Variants in PIEZO2 observed in about 807,000 individuals in gnomAD.
PIEZO2 encodes the protein piezo type mechanosensitive ion channel component 2.
Under a neutral mutation model 337.3 loss-of-function variants are expected in PIEZO2, and 172 were observed. The ratio of observed to expected loss-of-function variants is 0.51; its 90% CI spans 0.45 to 0.58. PIEZO2 has a LOEUF of 0.58. Among genes scored for constraint, PIEZO2 ranks in the 20% least tolerant of loss-of-function variants. The probability of loss-of-function intolerance (pLI) is 0.00; values close to 1 mark genes in which losing one functional copy is unlikely to be tolerated. For synonymous variants in PIEZO2, 1,251 were observed against 1,228.5 expected (o/e 1.02, Z -0.38); for missense variants, 3,028 against 3,391.3 (o/e 0.89, Z 2.66).
chr18:10,674,320 T>G (rs769962307), intron 54 of PIEZO2, among the ~76,000 whole-genome samples: 2 of 152,258 alleles, frequency 1.3e-5, no homozygotes, highest in South Asian at 2.1e-4. Flanking sequence ...GCAATCTGCA[T>G]GTCCAGATGA....
In PIEZO2 at chr18:10,758,538, T is replaced by TG. The variant is rs371983662; in HGVS notation, c.3758-405dup. Among the ~76,000 whole-genome samples the TG allele has an allele frequency of 2.3e-3, 354 of 152,210 alleles. 5 individuals carry two copies. The highest frequency in any genetic ancestry group is 8.3e-3 in the African/African-American group (343 of 41,534). ...TTGGCTCACTGCAAGCCCCACCTCC[T>TG]GGGTTCACACCATTCTCCTGCCTCA... On this transcript the variant is annotated intron_variant, in intron 26 of 55. Transcript: ENST00000674853.
rs2042013147 is a variant in PIEZO2, at chr18:10,866,562, G to A, written c.492+4691C>T. The stretch of plus-strand genomic sequence containing the variant: ...GCCCTCCCAAAGTGCTGGGATTTTA[G>A]GTGTGGGCCACCACACTTGGCCGCC... On this transcript the variant is annotated intron_variant, in intron 5 of 55. Transcript: ENST00000674853. 2.0e-5 allele frequency among the ~76,000 whole-genome samples: 3 copies of A among 152,264 alleles called. No individual in the cohort carries two copies. In the South Asian group the frequency reaches 6.2e-4, roughly 32 times the overall value.
chr18:11,131,391 G>C lies in PIEZO2; in HGVS notation c.64+17134C>G, dbSNP rs989209648. On this transcript the variant is annotated intron_variant, in intron 1 of 55. Coordinates refer to ENST00000674853, the MANE Select transcript of PIEZO2 (RefSeq NM_001378183.1). The surrounding 1 kb of genome is among the most constrained non-coding windows in gnomAD (Gnocchi z 5.3). ...TGTCTTCTCTCCCACAGCCTGCACCGATGGCCTCATGGGGAGTTCCCTATG... is the reference window on the plus strand; with the variant it reads ...TGTCTTCTCTCCCACAGCCTGCACCCATGGCCTCATGGGGAGTTCCCTATG... 6.6e-5 allele frequency among the ~76,000 whole-genome samples: 10 copies of C among 152,124 alleles called. No homozygotes were observed. The highest frequency in any genetic ancestry group is 2.2e-4 in the African/African-American group (9 of 41,430).
intron 18 of PIEZO2, among the ~76,000 whole-genome samples, chr18:10,778,604 T>C (rs2038873250): frequency 6.6e-6 from 1 of 152,152 alleles, no homozygotes; most frequent in Non-Finnish European, 1.5e-5. Flanking sequence ...GGTGCTGGGA[T>C]TACAGGCGTG....
intron 2 of PIEZO2, among the ~76,000 whole-genome samples, chr18:10,987,536 T>A (rs2034923622): frequency 6.6e-6 from 1 of 151,848 alleles, no homozygotes; most frequent in Admixed American, 6.6e-5. Flanking sequence ...GTCCCTTATC[T>A]TACACCATAT....
intron 36 of PIEZO2, among the ~76,000 whole-genome samples, chr18:10,721,555 T>C: frequency 6.6e-6 from 1 of 151,686 alleles, no homozygotes; most frequent in East Asian, 1.9e-4. Context: ...AGGACAAATG[T>C]CTGAGAACAG....
At position 10,748,256 on chromosome 18, in the gene PIEZO2, C is replaced by A. The variant is rs187626256; in HGVS notation, c.4424+215G>T. Among the ~76,000 whole-genome samples, 34 of 152,232 alleles carry A rather than the reference C, an allele frequency of 2.2e-4. No individual in the cohort carries two copies. The highest frequency in any genetic ancestry group is 8.2e-4 in the African/African-American group (34 of 41,538). On this transcript the variant is annotated intron_variant, in intron 30 of 55. Transcript: ENST00000674853. This position sits in a 1 kb window ranked among gnomAD's most constrained non-coding sequence, Gnocchi z 5.1. ...GTGAACCTCTGGCCTTCCATGGCAC[C>A]CCCATTCCTTGAGAAGTCTGATGGT...
chr18:10,742,620 A>G lies in PIEZO2; in HGVS notation c.4515-5T>C. On this transcript the variant is annotated splice_region_variant and splice_polypyrimidine_tract_variant and intron_variant, in intron 31 of 55. Transcript: ENST00000674853. Reference sequence around the variant, plus strand: ...CTGGCCTTGATGCGATCCATCCTATAAAGTAAAATAACATTAGTAATGCCA... The same window carrying G: ...CTGGCCTTGATGCGATCCATCCTATGAAGTAAAATAACATTAGTAATGCCA... The G allele has an allele frequency of 6.5e-7, 1 of 1,536,884 alleles. No individual in the cohort carries two copies. Among genetic ancestry groups the G allele is most frequent in the Non-Finnish European group, 8.7e-7 (1 of 1,146,698 alleles).
rs1439241554 is a variant in PIEZO2 at position 10,813,080 on chromosome 18, A to AG, written c.918-5807dup. On this transcript the variant is annotated intron_variant, in intron 7 of 55. Transcript: ENST00000674853. The surrounding 1 kb of genome is among the most constrained non-coding windows in gnomAD (Gnocchi z 4.2). ...CTGCAACCTCTGCCTCCCCGGCTCAAGTGATTCTCCTGCCTCAGCCTCCGG... is the reference window on the plus strand; with the variant it reads ...CTGCAACCTCTGCCTCCCCGGCTCAAGGTGATTCTCCTGCCTCAGCCTCCGG... Among the ~76,000 whole-genome samples, 1 of 151,972 alleles carries AG rather than the reference A, an allele frequency of 6.6e-6. No homozygotes were observed. The highest frequency in any genetic ancestry group is 1.5e-5 in the Non-Finnish European group (1 of 68,004).
intron 47 of PIEZO2, among the ~76,000 whole-genome samples, chr18:10,695,216 G>A (rs770519309): frequency 1.3e-5 from 2 of 152,220 alleles, no homozygotes; most frequent in African/African-American, 4.8e-5. Flanking sequence ...GCCTGGAGGC[G>A]TGAGGTGGGA....
At chr18:11,122,581 C>A (rs1049495583) in intron 1 of PIEZO2, among the ~76,000 whole-genome samples, 13 of 152,176 alleles carry the variant, frequency 8.5e-5, no homozygotes, top group Non-Finnish European at 1.5e-4. Flanking sequence ...TAGAAAAAAA[C>A]CGAAGTTCTG....
rs2033993970 is a variant in PIEZO2, at chr18:10,676,216, G to T, written c.8082-928C>A. ...GGAGGTGATAGGAGAGGATCTGACAGTCTCCAAGGGCCCTTCAACTTTAGT... is the reference window on the plus strand; with the variant it reads ...GGAGGTGATAGGAGAGGATCTGACATTCTCCAAGGGCCCTTCAACTTTAGT... On this transcript the variant is annotated intron_variant, in intron 53 of 55. Transcript: ENST00000674853. This position sits in a 1 kb window ranked among gnomAD's most constrained non-coding sequence, Gnocchi z 5.1. Among the ~76,000 whole-genome samples the T allele has an allele frequency of 6.6e-6, 1 of 152,138 alleles. No homozygotes were observed. Among genetic ancestry groups the T allele is most frequent in the Non-Finnish European group, 1.5e-5 (1 of 68,030 alleles).
chr18:11,123,877 TA>T (rs1270418574), intron 1 of PIEZO2, among the ~76,000 whole-genome samples: 2 of 152,082 alleles, frequency 1.3e-5, no homozygotes, highest in Non-Finnish European at 2.9e-5. Flanking sequence ...GTCTTTATTA[TA>T]AAGATAAACT....
chr18:10,679,527 T>G (rs922310717), intron 52 of PIEZO2, among the ~76,000 whole-genome samples: 3 of 70,604 alleles, frequency 4.2e-5, no homozygotes, highest in African/African-American at 9.0e-5. Flanking sequence ...ATTTTAGATT[T>G]TCTAAAAACC....
At chr18:11,086,662 AT>A (rs2038925956) in intron 1 of PIEZO2, among the ~76,000 whole-genome samples, 1 of 152,214 alleles carries the variant, frequency 6.6e-6, no homozygotes, top group Admixed American at 6.5e-5. Context: ...GAAGGAATTG[AT>A]AGATATGAAA....
intron 18 of PIEZO2, among the ~76,000 whole-genome samples, chr18:10,779,868 G>A (rs545513103): frequency 3.3e-5 from 5 of 152,280 alleles, no homozygotes; most frequent in African/African-American, 9.6e-5. Flanking sequence ...ACAGAGGACC[G>A]GAAGGCAAGT....
chr18:10,779,128 G>A (rs549540770), intron 18 of PIEZO2, among the ~76,000 whole-genome samples: 36 of 152,220 alleles, frequency 2.4e-4, no homozygotes, highest in African/African-American at 7.7e-4. Context: ...GACAGGCCTC[G>A]TTCATTCCTC....
intron 3 of PIEZO2, among the ~76,000 whole-genome samples, chr18:10,966,562 T>C (rs1039614969): frequency 6.6e-6 from 1 of 152,226 alleles, no homozygotes; most frequent in Non-Finnish European, 1.5e-5. Context: ...TTAGGAGCCC[T>C]CAATATTGAG....
intron 4 of PIEZO2, among the ~76,000 whole-genome samples, chr18:10,881,568 C>T (rs186440827): frequency 7.2e-5 from 11 of 152,246 alleles, no homozygotes; most frequent in Admixed American, 3.3e-4. Flanking sequence ...TTCTGTGCTC[C>T]ATGAAAGATT....
Sources: gnomAD v4.1 joint callset for allele counts (sites outside exome capture counted in the v4.1 genomes callset) on GRCh38, gnomAD v4.1.1 for gene constraint, Gnocchi (gnomAD v3.1) non-coding constraint, MANE v1.5 for transcripts, NCBI Gene and HGNC (gene_info 2026-07-23, HGNC 2026-07-21) for gene names.